The following VAMP7 variants were observed in gnomAD, a reference collection of about 807,000 sequenced individuals.
VAMP7 encodes vesicle-associated membrane protein 7.
A neutral mutation model predicts 29.6 loss-of-function variants in VAMP7; 14 were observed. That is an observed-to-expected ratio of 0.47 (90% CI 0.31 to 0.74). The LOEUF (loss-of-function observed/expected upper bound fraction) is 0.74, where lower values mean the gene tolerates loss of function less well. VAMP7 is among the 30% of genes least tolerant of loss of function. The probability of loss-of-function intolerance (pLI) is 0.05; values close to 1 mark genes in which losing one functional copy is unlikely to be tolerated. For synonymous variants in VAMP7, 95 were observed against 88.1 expected, an observed-to-expected ratio of 1.08 and a Z score of -0.44; for missense variants, 223 against 262.4, an observed-to-expected ratio of 0.85 and a Z score of 1.04.
At chrX:155,941,753 C>G in intron 7 of VAMP7, 130 bp from the exon 8 acceptor site, 1 of 1,116,912 alleles carries the variant, frequency 9.0e-7, no homozygotes, top group Non-Finnish European at 1.3e-6. Flanking sequence ...TTAGTGTGTT[C>G]CATTACTACA....
chrX:155,900,861 AGTGT>A (rs1481004535), intron 5 of VAMP7, among the ~76,000 whole-genome samples: 8 of 152,114 alleles, frequency 5.3e-5, no homozygotes, highest in Non-Finnish European at 1.2e-4. Context: ...TAATTTGGTC[AGTGT>A]GATTGTACAG....
At chrX:155,917,366 G>A (rs1308109465) in intron 5 of VAMP7, among the ~76,000 whole-genome samples, 1 of 152,046 alleles carries the variant, frequency 6.6e-6, no homozygotes, top group Non-Finnish European at 1.5e-5. Flanking sequence ...CTGTCAATTT[G>A]TCAAACTCAT....
At chrX:155,893,309 G>T (rs1286765603) in intron 2 of VAMP7, among the ~76,000 whole-genome samples, 1 of 152,112 alleles carries the variant, frequency 6.6e-6, no homozygotes, top group Non-Finnish European at 1.5e-5. Flanking sequence ...TCAGGAGATA[G>T]GTCAGATGGA....
intron 6 of VAMP7, among the ~76,000 whole-genome samples, chrX:155,930,719 T>G (rs187225562): frequency 1.3e-5 from 2 of 150,972 alleles, no homozygotes. Context: ...ATATATATAT[T>G]TTTTATTATA....
At chrX:155,931,877 T>C (rs2066563438) in intron 6 of VAMP7, among the ~76,000 whole-genome samples, 1 of 152,116 alleles carries the variant, frequency 6.6e-6, no homozygotes, top group Admixed American at 6.5e-5. Context: ...CTTGAATTAA[T>C]TTTAGTATAA....
intron 5 of VAMP7, among the ~76,000 whole-genome samples, chrX:155,904,835 G>A (rs2066125027): frequency 6.7e-6 from 1 of 150,284 alleles, no homozygotes; most frequent in Non-Finnish European, 1.5e-5. Context: ...TCATGGTCTG[G>A]TTATTATAAA....
intron 6 of VAMP7, among the ~76,000 whole-genome samples, chrX:155,929,359 A>G (rs1264206017): frequency 1.3e-5 from 2 of 152,200 alleles, no homozygotes; most frequent in African/African-American, 2.4e-5. Flanking sequence ...ATTGATTGCT[A>G]TACATTGTCC....
At chrX:155,919,340 C>G (rs898878302) in intron 5 of VAMP7, among the ~76,000 whole-genome samples, 2 of 152,012 alleles carry the variant, frequency 1.3e-5, no homozygotes, top group African/African-American at 4.8e-5. Flanking sequence ...TTGCATGTGT[C>G]CTGGGATTTA....
intron 6 of VAMP7, among the ~76,000 whole-genome samples, chrX:155,934,721 G>A (rs767710037): frequency 1.2e-4 from 18 of 152,230 alleles, no homozygotes; most frequent in African/African-American, 3.4e-4. Flanking sequence ...ATACTGTTAT[G>A]TGTGAATTTG....
chrX:155,929,225 T>C (rs2066512971), intron 6 of VAMP7, among the ~76,000 whole-genome samples: 1 of 152,172 alleles, frequency 6.6e-6, no homozygotes, highest in Admixed American at 6.5e-5. Flanking sequence ...CCCAGGAGCA[T>C]AGATTCAAGT....
intron 1 of VAMP7, among the ~76,000 whole-genome samples, chrX:155,886,146 T>A (rs2065863084): frequency 6.6e-6 from 1 of 152,162 alleles, no homozygotes; most frequent in East Asian, 1.9e-4. Flanking sequence ...CTTATCTTTA[T>A]ATAGCACTTT....
At chrX:155,927,899 T>TTTGTTG (rs374422359) in intron 6 of VAMP7, among the ~76,000 whole-genome samples, 2 of 151,548 alleles carry the variant, frequency 1.3e-5, no homozygotes, top group African/African-American at 2.4e-5. Flanking sequence ...ACCTTTGGCT[T>TTTGTTG]TTGTTGTTGT....
chrX:155,884,983 G>A (rs1410388903), intron 1 of VAMP7, among the ~76,000 whole-genome samples: 7 of 152,140 alleles, frequency 4.6e-5, no homozygotes, highest in African/African-American at 7.2e-5. Context: ...TGTTTGGAAC[G>A]CTGGATGCAT....
chrX:155,900,447 T>C, intron 4 of VAMP7, 50 bp from the exon 5 acceptor site: 2 of 1,421,506 alleles, frequency 1.4e-6, no homozygotes, highest in Non-Finnish European at 1.9e-6. Flanking sequence ...TTTGTTTTCC[T>C]ATTGTAAATA....
intron 5 of VAMP7, among the ~76,000 whole-genome samples, chrX:155,917,518 T>G: frequency 6.6e-6 from 1 of 152,314 alleles, no homozygotes; most frequent in Non-Finnish European, 1.5e-5. Context: ...TTGTTGATGT[T>G]GATGCTATTC....
intron 4 of VAMP7, among the ~76,000 whole-genome samples, chrX:155,898,675 T>G (rs1423467223): frequency 6.6e-6 from 1 of 152,036 alleles, no homozygotes; most frequent in Non-Finnish European, 1.5e-5. Context: ...TTAGTGAGGT[T>G]TTACATGTGA....
At chrX:155,926,162 A>G (rs2066463945) in intron 6 of VAMP7, among the ~76,000 whole-genome samples, 1 of 152,182 alleles carries the variant, frequency 6.6e-6, no homozygotes, top group Non-Finnish European at 1.5e-5. Context: ...GCTTAAAGTC[A>G]TCAGCTGCAT....
intron 1 of VAMP7, among the ~76,000 whole-genome samples, chrX:155,884,600 T>G (rs1478157476): frequency 6.6e-6 from 1 of 152,236 alleles, no homozygotes; most frequent in African/African-American, 2.4e-5. Context: ...TTCTAAGATG[T>G]AAACATTAAG....
In VAMP7 at chrX:155,889,542, C is replaced by T. The variant is rs968593739; in HGVS notation, c.76C>T (p.Leu26=). ...ACATGCTTGGTGTGGAGGAAACTTC[C>T]TGGAGGTGACAGAGCAGATTCTGGC... ...AKHAWCGGNF[L]EVTEQILAKI... The change falls in exon 2 of 8, where the codon CTG becomes TTG. Residue 26 remains leucine (L), a synonymous_variant. Transcript: ENST00000286448. The T allele has an allele frequency of 1.2e-6, 2 of 1,613,774 alleles. No individual in the cohort carries two copies. Among genetic ancestry groups the T allele is most frequent in the Admixed American group, 1.7e-5 (1 of 59,990 alleles).
Sources: allele counts gnomAD v4.1 joint callset (sites outside exome capture counted in the v4.1 genomes callset), GRCh38; gene constraint gnomAD v4.1.1; transcripts MANE v1.5; gene names NCBI Gene and HGNC (gene_info 2026-07-23, HGNC 2026-07-21).